PCDHGA2: variants seen among roughly 807,000 people sequenced by gnomAD.
PCDHGA2 encodes the protein protocadherin gamma subfamily A, 2.
A neutral mutation model predicts 59.2 loss-of-function variants in PCDHGA2; 40 were observed. The ratio of observed to expected loss-of-function variants is 0.68; its 90% CI spans 0.52 to 0.88. PCDHGA2 has a LOEUF of 0.88. Among genes scored for constraint, PCDHGA2 ranks in the 40% least tolerant of loss-of-function variants. The pLI, the probability that PCDHGA2 is intolerant of heterozygous loss-of-function variation, is 0.00. For missense variants in PCDHGA2, 1,226 were observed against 1,204.0 expected (o/e 1.02, Z -0.27); for synonymous variants, 560 against 526.0 (o/e 1.06, Z -0.89).
chr5:141,398,148 G>T lies in PCDHGA2; in HGVS notation c.2424+56753G>T, dbSNP rs768560617. The T allele has an allele frequency of 9.4e-6, 14 of 1,497,140 alleles. 1 individual carries two copies. Among genetic ancestry groups the T allele is most frequent in the East Asian group, 9.3e-5 (4 of 42,788 alleles). 92.7% of individuals were successfully genotyped at this position (1,497,140 alleles called of 1,614,324 possible). On this transcript the variant is annotated intron_variant, in intron 1 of 3. Coordinates refer to ENST00000394576, the MANE Select transcript of PCDHGA2 (RefSeq NM_018915.4). ...GAGGGATGGGGAGCGGCGCCGGGGA[G>T]CTGGGCCGGGCTGAGAGGCTGCCAG...
At chr5:141,507,178 G>A (rs548016031) in intron 3 of PCDHGA2, 4 of 152,350 alleles carry the variant, frequency 2.6e-5, no homozygotes, top group East Asian at 3.9e-4. Flanking sequence ...CCTCTTCCTC[G>A]AGCTCTGCTT....
intron 1 of PCDHGA2, chr5:141,355,106 G>T (rs1226515373): frequency 4.6e-6 from 7 of 1,506,972 alleles, no homozygotes; most frequent in Non-Finnish European, 2.7e-6. Flanking sequence ...CTCTGGCTGT[G>T]AATGCACTTT....
intron 1 of PCDHGA2, chr5:141,365,007 C>A (rs776739278): frequency 1.9e-6 from 3 of 1,613,922 alleles, no homozygotes; most frequent in Non-Finnish European, 2.5e-6. Flanking sequence ...TCCGGCACCA[C>A]GCACATCCGT....
rs774892780 is a variant in PCDHGA2, at chr5:141,350,847, C to T, written c.2424+9452C>T. 5.6e-6 allele frequency: 9 copies of T among 1,613,928 alleles called. No individual in the cohort carries two copies. Among genetic ancestry groups the T allele is most frequent in the East Asian group, 2.2e-5 (1 of 44,904 alleles). Reference sequence around the variant, plus strand: ...TATCCGGTATTACTGCTGGAAAAACCTCTAGACAGGGAACATCAGAGCTCT... The same window carrying T: ...TATCCGGTATTACTGCTGGAAAAACTTCTAGACAGGGAACATCAGAGCTCT... On this transcript the variant is annotated intron_variant, in intron 1 of 3. Coordinates refer to ENST00000394576, the MANE Select transcript of PCDHGA2 (RefSeq NM_018915.4).
chr5:141,390,730 A>G (rs964390196), intron 1 of PCDHGA2: 1 of 195,852 alleles, frequency 5.1e-6, no homozygotes, highest in African/African-American at 2.4e-5. Flanking sequence ...TTTAACTGGT[A>G]TGGTCTCCAT....
At chr5:141,351,572 A>G (rs561261966) in intron 1 of PCDHGA2, 30 of 1,614,024 alleles carry the variant, frequency 1.9e-5, no homozygotes, top group African/African-American at 2.7e-5. Context: ...CACCCTGCAC[A>G]TCTCCGACAT....
rs1292783135 is a variant in PCDHGA2 at position 141,374,085 on chromosome 5, T to C, written c.2424+32690T>C. The stretch of plus-strand genomic sequence containing the variant: ...AGAGAAGTTCCTAATAAGCCAGTAA[T>C]GGCGCCTCCGCAGAGGCATCCGCAG... On this transcript the variant is annotated intron_variant, in intron 1 of 3. Coordinates refer to ENST00000394576, the MANE Select transcript of PCDHGA2 (RefSeq NM_018915.4). 12 of 1,528,732 alleles carry C rather than the reference T, an allele frequency of 7.8e-6. No individual in the cohort carries two copies. In the Admixed American group the frequency reaches 2.2e-4, roughly 28 times the overall value. 94.7% of individuals were successfully genotyped at this position (1,528,732 alleles called of 1,614,324 possible).
chr5:141,454,464 T>C (rs1365696226), intron 1 of PCDHGA2, among the ~76,000 whole-genome samples: 1 of 152,196 alleles, frequency 6.6e-6, no homozygotes, highest in Non-Finnish European at 1.5e-5. Flanking sequence ...TGGAGTGCAA[T>C]GGCATGATCT....
chr5:141,363,958 G>C (rs1763125463), intron 1 of PCDHGA2, among the ~76,000 whole-genome samples: 1 of 152,214 alleles, frequency 6.6e-6, no homozygotes, highest in Non-Finnish European at 1.5e-5. Context: ...CTCAGGGATT[G>C]TGGAAGTCTT....
Position 141,477,540 on chromosome 5 carries a change from C to T in PCDHGA2, c.2425-17267C>T, listed in dbSNP as rs777796922. On this transcript the variant is annotated intron_variant, in intron 1 of 3. Coordinates refer to ENST00000394576, the MANE Select transcript of PCDHGA2 (RefSeq NM_018915.4). The surrounding 1 kb of genome is among the most constrained non-coding windows in gnomAD (Gnocchi z 4.9). Reference sequence around the variant, plus strand: ...GAAGAAAACAACCTCCCCGGGGCTCCAATACTAAACCTAAGTGTCTGGGAC... The same window carrying T: ...GAAGAAAACAACCTCCCCGGGGCTCTAATACTAAACCTAAGTGTCTGGGAC... The T allele has an allele frequency of 6.8e-6, 11 of 1,614,036 alleles. 1 individual carries two copies. Among genetic ancestry groups the T allele is most frequent in the African/African-American group, 2.7e-5 (2 of 74,920 alleles).
intron 1 of PCDHGA2, chr5:141,409,186 T>C: frequency 6.2e-7 from 1 of 1,614,042 alleles, no homozygotes; most frequent in Non-Finnish European, 8.5e-7. Flanking sequence ...GTGGTCTCTC[T>C]ACCCAGTGTA....
At chr5:141,479,685 G>C (rs749895405) in intron 1 of PCDHGA2, 2 of 152,130 alleles carry the variant, frequency 1.3e-5, no homozygotes, top group Non-Finnish European at 2.9e-5. Context: ...AGTCTTTTTG[G>C]TGCCTCCAGT....
rs747205741 is a variant in PCDHGA2, at chr5:141,384,243, C to A, written c.2424+42848C>A. On this transcript the variant is annotated intron_variant, in intron 1 of 3. Coordinates refer to ENST00000394576, the MANE Select transcript of PCDHGA2 (RefSeq NM_018915.4). ...TGCAGGTGGCAGACACCAACGATAA[C>A]CCACCCACCTTCCCCCACTCATCCT... 3.5e-5 allele frequency: 56 copies of A among 1,613,762 alleles called. 1 individual carries two copies. The South Asian group carries it at 6.0e-4, about 17-fold the overall frequency.
intron 1 of PCDHGA2, among the ~76,000 whole-genome samples, chr5:141,474,672 T>C (rs1203448521): frequency 2.0e-5 from 3 of 152,228 alleles, no homozygotes; most frequent in Non-Finnish European, 4.4e-5. Flanking sequence ...ACCTAACCTA[T>C]GTGCCTACCC....
intron 1 of PCDHGA2, chr5:141,346,415 T>C: frequency 1.2e-6 from 2 of 1,614,240 alleles, no homozygotes; most frequent in Non-Finnish European, 1.7e-6. Flanking sequence ...TTCTGATAAC[T>C]CAGGATTTAC....
chr5:141,339,710 T>A lies in PCDHGA2; in HGVS notation c.739T>A (p.Tyr247Asn). The A allele has an allele frequency of 1.9e-6, 3 of 1,614,158 alleles. No homozygotes were observed. Among genetic ancestry groups the A allele is most frequent in the Non-Finnish European group, 1.7e-6 (2 of 1,180,034 alleles). Residue 247 changes from tyrosine to asparagine, a missense_variant, in exon 1 of 4, where the codon TAC becomes AAC. Transcript: ENST00000394576. The part of the protein sequence containing the change: ...DNAPVFTQPE[Y>N]RISIPENTLV... ...TGCGCCTGTTTTTACACAGCCCGAG[T>A]ACCGCATAAGCATTCCGGAGAATAC... is the stretch of plus-strand genomic sequence containing the variant.
chr5:141,456,701 G>A lies in PCDHGA2; in HGVS notation c.2425-38106G>A, dbSNP rs370086323. ...CATTACTGGCCAGGCGTGGTGGCTC[G>A]CGCCTGTAATCCCAGCACTTTGGGA... On this transcript the variant is annotated intron_variant, in intron 1 of 3. Transcript: ENST00000394576. 2.3e-4 allele frequency among the ~76,000 whole-genome samples: 35 copies of A among 152,106 alleles called. No homozygotes were observed. The South Asian group carries it at 4.8e-3, about 21-fold the overall frequency.
chr5:141,379,889 CTTTTTTTTTTTTTTTT>C (rs70988800), intron 1 of PCDHGA2, among the ~76,000 whole-genome samples: 915 of 50,904 alleles, frequency 0.018, 31 homozygotes, highest in African/African-American at 0.056. Context: ...GTGAAAGCCT[CTTTTTTTTTTTTTTTT>C]TTTTTTTTTT....
At chr5:141,348,834 G>A (rs1018080023) in intron 1 of PCDHGA2, among the ~76,000 whole-genome samples, 1 of 152,156 alleles carries the variant, frequency 6.6e-6, no homozygotes, top group Non-Finnish European at 1.5e-5. Flanking sequence ...TAGAGTATGA[G>A]TATGGGTGAG....
Sources: allele counts gnomAD v4.1 joint callset (sites outside exome capture counted in the v4.1 genomes callset), GRCh38; gene constraint gnomAD v4.1.1; non-coding constraint Gnocchi (gnomAD v3.1); transcripts MANE v1.5; gene names NCBI Gene and HGNC (gene_info 2026-07-23, HGNC 2026-07-21).